Variants in TYW1B observed in about 807,000 individuals in gnomAD.
TYW1B encodes tRNA-yW synthesizing protein 1 homolog B, also known as S-adenosyl-L-methionine-dependent tRNA 4-demethylwyosine synthase TYW1B.
In TYW1B, 73 loss-of-function variants were observed where a neutral mutation model predicts 86.9. The observed-to-expected ratio is 0.84, with a 90% CI of 0.70 to 1.02. TYW1B has a LOEUF of 1.02. Among genes scored for constraint, TYW1B ranks in the 50% least tolerant of loss-of-function variants. TYW1B has a pLI of 0.00. For missense variants in TYW1B, 637 were observed against 827.4 expected (o/e 0.77, Z 2.82); for synonymous variants, 248 against 292.8 (o/e 0.85, Z 1.56).
At chr7:72,587,097 G>C (rs1811294568) in intron 13 of TYW1B, among the ~76,000 whole-genome samples, 1 of 152,134 alleles carries the variant, frequency 6.6e-6, no homozygotes, top group African/African-American at 2.4e-5. Context: ...ACAAGCCACA[G>C]AGCAGGGGGA....
chr7:72,736,895 A>G (rs12698436), intron 8 of TYW1B, among the ~76,000 whole-genome samples: 7,685 of 152,274 alleles, frequency 0.05, 524 homozygotes, highest in East Asian at 0.33. Flanking sequence ...CATCTGGAGT[A>G]TATCTACTTT....
At chr7:72,827,878 A>G (rs1788967786) in intron 1 of TYW1B, among the ~76,000 whole-genome samples, 194 bp downstream of exon 1, 1 of 152,236 alleles carries the variant, frequency 6.6e-6, no homozygotes, top group Non-Finnish European at 1.5e-5. Context: ...CTAACCCCCT[A>G]GCCTCAAAAG....
chr7:72,749,532 T>C (rs1787459336), intron 7 of TYW1B, among the ~76,000 whole-genome samples: 1 of 152,226 alleles, frequency 6.6e-6, no homozygotes. Context: ...AACCTCGTGA[T>C]CTGCCCACCC....
At chr7:72,738,869 G>A (rs141280980) in intron 8 of TYW1B, among the ~76,000 whole-genome samples, 5 of 152,052 alleles carry the variant, frequency 3.3e-5, no homozygotes, top group East Asian at 3.9e-4. Flanking sequence ...CCAAGAGTTC[G>A]AGACCAGCTT....
At chr7:72,710,601 G>GT (rs1554454539) in intron 10 of TYW1B, among the ~76,000 whole-genome samples, 1 of 152,174 alleles carries the variant, frequency 6.6e-6, no homozygotes, top group African/African-American at 2.4e-5. Context: ...CGAGGCGGGT[G>GT]TATCACTTGA....
intron 12 of TYW1B, among the ~76,000 whole-genome samples, chr7:72,619,927 T>C (rs1421869773): frequency 4.6e-5 from 7 of 152,158 alleles, no homozygotes; most frequent in Admixed American, 2.0e-4. Flanking sequence ...TTTGAAAATA[T>C]TTTAATATTT....
At chr7:72,636,518 C>A (rs1554440769) in intron 11 of TYW1B, among the ~76,000 whole-genome samples, 1 of 152,126 alleles carries the variant, frequency 6.6e-6, no homozygotes, top group East Asian at 1.9e-4. Flanking sequence ...TTATTCTGCA[C>A]AGTAAGATTT....
chr7:72,632,516 C>T (rs1429605478), intron 11 of TYW1B, among the ~76,000 whole-genome samples: 3 of 127,698 alleles, frequency 2.3e-5, no homozygotes, highest in African/African-American at 6.0e-5. Context: ...TATATATATT[C>T]CTAATGATTA....
chr7:72,605,124 G>T (rs1450758925), intron 13 of TYW1B, among the ~76,000 whole-genome samples: 3 of 152,122 alleles, frequency 2.0e-5, no homozygotes, highest in Non-Finnish European at 2.9e-5. Flanking sequence ...ATTAAGAAAT[G>T]ATTTGCATGT....
chr7:72,681,992 C>G (rs1289170353), intron 11 of TYW1B, among the ~76,000 whole-genome samples: 1 of 152,034 alleles, frequency 6.6e-6, no homozygotes, highest in East Asian at 1.9e-4. Context: ...ATTCTCCTGC[C>G]TCAGCCTCCC....
intron 8 of TYW1B, among the ~76,000 whole-genome samples, chr7:72,738,573 G>C (rs1787242538): frequency 6.6e-6 from 1 of 152,200 alleles, no homozygotes; most frequent in South Asian, 2.1e-4. Context: ...CTACCCACCA[G>C]ATACCAGCAG....
intron 11 of TYW1B, among the ~76,000 whole-genome samples, chr7:72,681,570 G>A (rs1340083088): frequency 1.4e-5 from 2 of 146,518 alleles, no homozygotes; most frequent in Non-Finnish European, 3.0e-5. Flanking sequence ...TAAGAAGAGT[G>A]TTGGAGTGTT....
chr7:72,761,299 T>A (rs1406689277), intron 7 of TYW1B, among the ~76,000 whole-genome samples: 1 of 152,124 alleles, frequency 6.6e-6, no homozygotes, highest in Non-Finnish European at 1.5e-5. Context: ...GCTTTCTAGG[T>A]TTTCACTAAA....
Position 72,737,574 on chromosome 7 carries a change from T to C in TYW1B, c.1082+6910A>G, listed in dbSNP as rs1207347168. Reference sequence around the variant, plus strand: ...AATCTTAAGAAGAGATTAGGATTTATACTTAGTGTAAACTGTGAAACAAGA... The same window carrying C: ...AATCTTAAGAAGAGATTAGGATTTACACTTAGTGTAAACTGTGAAACAAGA... On this transcript the variant is annotated intron_variant, in intron 8 of 13. Coordinates refer to ENST00000620995, the MANE Select transcript of TYW1B (RefSeq NM_001145440.3). 3.3e-5 allele frequency among the ~76,000 whole-genome samples: 5 copies of C among 152,306 alleles called. No homozygotes were observed. The East Asian group carries it at 7.7e-4, about 24-fold the overall frequency.
At chr7:72,783,159 G>T (rs1788075759) in intron 6 of TYW1B, among the ~76,000 whole-genome samples, 1 of 152,132 alleles carries the variant, frequency 6.6e-6, no homozygotes, top group African/African-American at 2.4e-5. Flanking sequence ...AGCACTTTGG[G>T]AGGCTGAGGC....
intron 11 of TYW1B, among the ~76,000 whole-genome samples, chr7:72,678,740 C>A (rs369981240): frequency 6.6e-6 from 1 of 150,472 alleles, no homozygotes; most frequent in Non-Finnish European, 1.5e-5. Context: ...CGGGGTTTCA[C>A]CATGTTGGTC....
intron 11 of TYW1B, among the ~76,000 whole-genome samples, chr7:72,642,696 T>G (rs1812830706): frequency 1.3e-5 from 2 of 152,184 alleles, no homozygotes; most frequent in African/African-American, 2.4e-5. Flanking sequence ...AGGTCAGCAG[T>G]TCGAGACCAG....
intron 12 of TYW1B, among the ~76,000 whole-genome samples, chr7:72,628,072 G>A (rs782017695): frequency 1.3e-5 from 2 of 152,036 alleles, no homozygotes; most frequent in Non-Finnish European, 2.9e-5. Context: ...CAGGAGGGTC[G>A]CTTGAGGCCA....
intron 9 of TYW1B, among the ~76,000 whole-genome samples, chr7:72,715,424 T>G (rs2129570750): frequency 6.6e-6 from 1 of 152,332 alleles, no homozygotes; most frequent in South Asian, 2.1e-4. Flanking sequence ...TGTCAGGTAC[T>G]GCTCTTGACT....
Sources: allele counts gnomAD v4.1 joint callset (sites outside exome capture counted in the v4.1 genomes callset), GRCh38; gene constraint gnomAD v4.1.1; transcripts MANE v1.5; gene names NCBI Gene and HGNC (gene_info 2026-07-23, HGNC 2026-07-21).